The following UBR3 variants were observed in gnomAD, a reference collection of about 807,000 sequenced individuals.
UBR3 encodes E3 ubiquitin-protein ligase UBR3.
In UBR3, 85 loss-of-function variants were observed where a neutral mutation model predicts 243.2. The ratio of observed to expected loss-of-function variants is 0.35; its 90% confidence interval spans 0.29 to 0.42. The LOEUF (loss-of-function observed/expected upper bound fraction) is 0.42, where lower values mean the gene tolerates loss of function less well. Among genes scored for constraint, UBR3 ranks in the 10% least tolerant of loss-of-function variants. The pLI, the probability that UBR3 is intolerant of heterozygous loss-of-function variation, is 1.00. For synonymous variants in UBR3, 748 were observed against 799.8 expected (o/e 0.94, Z 1.09); for missense variants, 1,686 against 2,300.8 (o/e 0.73, Z 5.47).
intron 36 of UBR3, chr2:170,077,635 G>C (rs1397136030): frequency 2.3e-6 from 1 of 433,728 alleles, no homozygotes; most frequent in Admixed American, 4.2e-5. Flanking sequence ...GCCCAGGCTT[G>C]AGTGCAGTAG....
rs190831575 is a variant in UBR3, at chr2:169,876,359, C to T, written c.844+410C>T. ...CCTTCCGAAGTGCTGGGATTACAGG[C>T]GTGAGCCACTGCGCCTGGCAAGAGA... On this transcript the variant is annotated intron_variant, in intron 3 of 38. Transcript: ENST00000272793. Among the ~76,000 whole-genome samples the T allele has an allele frequency of 1.7e-3, 264 of 152,218 alleles. 1 individual carries two copies. Among genetic ancestry groups the T allele is most frequent in the African/African-American group, 6.2e-3 (259 of 41,542 alleles).
chr2:170,062,245 A>G (rs564678924), intron 35 of UBR3, among the ~76,000 whole-genome samples: 1 of 152,358 alleles, frequency 6.6e-6, no homozygotes, highest in South Asian at 2.1e-4. Context: ...GTAGGAAACC[A>G]GAAGGTAAGT....
At chr2:169,895,342 T>A in intron 7 of UBR3, 31 bp downstream of exon 7, 1 of 1,516,532 alleles carries the variant, frequency 6.6e-7, no homozygotes, top group South Asian at 1.3e-5. Flanking sequence ...TTTTCTGAAC[T>A]TAGCTTTTCT....
intron 6 of UBR3, among the ~76,000 whole-genome samples, chr2:169,894,177 G>A (rs1002768614): frequency 6.6e-6 from 1 of 151,832 alleles, no homozygotes; most frequent in Non-Finnish European, 1.5e-5. Context: ...AAATAAATTA[G>A]CAGGGTGTGG....
intron 22 of UBR3, 75 bp from the exon 23 acceptor site, chr2:169,949,530 T>A (rs1384969489): frequency 7.9e-7 from 1 of 1,268,106 alleles, no homozygotes; most frequent in African/African-American, 1.5e-5. Context: ...TTAGAAAATA[T>A]AGTACTAATA....
At chr2:169,947,749 A>G in intron 22 of UBR3, 34 bp downstream of exon 22, 1 of 1,416,186 alleles carries the variant, frequency 7.1e-7, no homozygotes, top group Non-Finnish European at 9.2e-7. Context: ...AATAAGAAAA[A>G]GCTTTATGTT....
chr2:169,857,976 T>A (rs1402684328), intron 1 of UBR3, among the ~76,000 whole-genome samples: 2 of 152,196 alleles, frequency 1.3e-5, no homozygotes, highest in Non-Finnish European at 2.9e-5. Context: ...TTTTGTAGGC[T>A]GTAGTGTTAT....
intron 1 of UBR3, among the ~76,000 whole-genome samples, chr2:169,857,064 G>GGTTTTTTTT (rs2082901383): frequency 3.6e-5 from 2 of 56,082 alleles, no homozygotes; most frequent in African/African-American, 7.1e-5. Flanking sequence ...ATTTTATTAT[G>GGTTTTTTTT]TTTTTTTTTT....
chr2:170,000,235 C>G (rs2089649277), intron 26 of UBR3, among the ~76,000 whole-genome samples: 3 of 151,602 alleles, frequency 2.0e-5, no homozygotes, highest in Admixed American at 2.0e-4. Context: ...ATATTAAGAC[C>G]TTGTAAATAT....
chr2:169,877,945 A>G (rs939351977), intron 4 of UBR3, among the ~76,000 whole-genome samples: 1 of 152,240 alleles, frequency 6.6e-6, no homozygotes, highest in Non-Finnish European at 1.5e-5. Flanking sequence ...TTAGTAAACT[A>G]TGGTTTAAAA....
At chr2:170,003,726 C>T (rs1002169542) in intron 27 of UBR3, among the ~76,000 whole-genome samples, 7 of 152,048 alleles carry the variant, frequency 4.6e-5, no homozygotes, top group East Asian at 1.9e-4. Context: ...CTGCAAGCTC[C>T]GCCTTCCAGG....
intron 1 of UBR3, among the ~76,000 whole-genome samples, chr2:169,855,053 G>A (rs7603639): frequency 0.98 from 148,737 of 152,264 alleles, 72,730 homozygotes; most frequent in East Asian, 1. Context: ...TATGGGAATT[G>A]CAGAATTTTT....
intron 19 of UBR3, among the ~76,000 whole-genome samples, chr2:169,936,376 A>C (rs891136917): frequency 6.6e-6 from 1 of 152,094 alleles, no homozygotes; most frequent in Non-Finnish European, 1.5e-5. Context: ...CAATTTTTTT[A>C]AATGCAAAGT....
intron 24 of UBR3, among the ~76,000 whole-genome samples, chr2:169,984,119 T>G (rs557724144): frequency 6.6e-6 from 1 of 152,330 alleles, no homozygotes; most frequent in South Asian, 2.1e-4. Context: ...GCATGGCACA[T>G]CATTTAGATT....
intron 6 of UBR3, among the ~76,000 whole-genome samples, chr2:169,894,321 A>AG (rs1491428696): frequency 3.6e-5 from 2 of 55,886 alleles, no homozygotes; most frequent in Admixed American, 4.2e-4. Context: ...CTGACTCTTA[A>AG]GAAAAAAAAA....
intron 8 of UBR3, among the ~76,000 whole-genome samples, chr2:169,899,233 G>A (rs1036693977): frequency 6.6e-6 from 1 of 152,006 alleles, no homozygotes; most frequent in Non-Finnish European, 1.5e-5. Context: ...ACCCACCTCG[G>A]CCTCCCAAAG....
At chr2:169,851,223 C>T (rs2082645499) in intron 1 of UBR3, among the ~76,000 whole-genome samples, 1 of 152,192 alleles carries the variant, frequency 6.6e-6, no homozygotes, top group Non-Finnish European at 1.5e-5. Context: ...CTCCTAAGCT[C>T]AAGTGATTAT....
chr2:169,924,257 A>G (rs1274777845), intron 13 of UBR3, 84 bp downstream of exon 13: 2 of 1,027,798 alleles, frequency 1.9e-6, no homozygotes, highest in African/African-American at 3.3e-5. Context: ...TTTCATTGTT[A>G]TTATAGCTGA....
chr2:169,957,585 A>C (rs2087364544), intron 23 of UBR3, among the ~76,000 whole-genome samples: 1 of 135,638 alleles, frequency 7.4e-6, no homozygotes, highest in African/African-American at 2.7e-5. Flanking sequence ...GGGGGGAGGG[A>C]AAGCATTAGG....
Sources: gnomAD v4.1 joint callset for allele counts (sites outside exome capture counted in the v4.1 genomes callset) on GRCh38, gnomAD v4.1.1 for gene constraint, MANE v1.5 for transcripts, NCBI Gene and HGNC (gene_info 2026-07-23, HGNC 2026-07-21) for gene names.